Variants in GLRB observed in about 807,000 individuals in gnomAD.
The protein encoded by GLRB is glycine receptor beta, also known as glycine receptor subunit beta.
A neutral mutation model predicts 54.2 loss-of-function variants in GLRB; 33 were observed. The ratio of observed to expected loss-of-function variants is 0.61; its 90% CI spans 0.46 to 0.81. The LOEUF is 0.81. Ranked by LOEUF, GLRB falls within the 40% of genes least tolerant of loss-of-function variation. The probability of loss-of-function intolerance (pLI) is 0.00; values close to 1 mark genes in which losing one functional copy is unlikely to be tolerated. For missense variants in GLRB, 572 were observed against 584.6 expected (o/e 0.98, Z 0.22); for synonymous variants, 209 against 208.2 (o/e 1.00, Z -0.03).
intron 7 of GLRB, among the ~76,000 whole-genome samples, chr4:157,140,072 A>G (rs1736552335): frequency 6.6e-6 from 1 of 152,026 alleles, no homozygotes; most frequent in South Asian, 2.1e-4. Flanking sequence ...TTCAAAATAC[A>G]TTAGCAAATG....
intron 2 of GLRB, among the ~76,000 whole-genome samples, chr4:157,109,123 A>G (rs889382102): frequency 3.9e-5 from 6 of 152,074 alleles, no homozygotes; most frequent in Admixed American, 3.3e-4. Flanking sequence ...CATTTGTATG[A>G]CTAACTTTAT....
intron 8 of GLRB, among the ~76,000 whole-genome samples, chr4:157,144,977 TATGTATTATTAC>T (rs1213195373): frequency 3.9e-5 from 6 of 152,236 alleles, no homozygotes; most frequent in African/African-American, 1.4e-4. Context: ...GGATAAAAAC[TATGTATTATTAC>T]ATGTATTATA....
At chr4:157,167,737 T>A (rs1737766077) in intron 9 of GLRB, among the ~76,000 whole-genome samples, 1 of 152,188 alleles carries the variant, frequency 6.6e-6, no homozygotes, top group East Asian at 1.9e-4. Flanking sequence ...TGAGGCTGTA[T>A]AATTTATAAG....
At chr4:157,082,964 T>TTTTATATATATATATA (rs1180920266) in intron 2 of GLRB, among the ~76,000 whole-genome samples, 3 of 139,670 alleles carry the variant, frequency 2.1e-5, no homozygotes, top group African/African-American at 7.9e-5. Flanking sequence ...GAATAGTGTT[T>TTTTATATATATATATA]TATATATATA....
chr4:157,111,040 T>C (rs565827866), intron 2 of GLRB, among the ~76,000 whole-genome samples: 1 of 145,892 alleles, frequency 6.9e-6, no homozygotes, highest in Non-Finnish European at 1.5e-5. Flanking sequence ...TCGGGTAGCA[T>C]CTGTGATGAG....
At position 157,155,871 on chromosome 4, in the gene GLRB, T is replaced by A. The variant is rs1737208200; in HGVS notation, c.1197+2861T>A. 2.0e-5 allele frequency among the ~76,000 whole-genome samples: 3 copies of A among 152,308 alleles called. 1 individual carries two copies. In the Middle Eastern group the frequency reaches 0.01, roughly 518 times the overall value. ...GGAGTTTTCAGCTATTATTTCTTTG[T>A]GTACTTTTCCTGCCTTGCCCTCTCT... On this transcript the variant is annotated intron_variant, in intron 9 of 9. Transcript: ENST00000264428.
At chr4:157,099,573 T>C (rs1181281797) in intron 2 of GLRB, among the ~76,000 whole-genome samples, 1 of 152,002 alleles carries the variant, frequency 6.6e-6, no homozygotes, top group Admixed American at 6.6e-5. Context: ...TGACCTCAAG[T>C]GATCTGCCCG....
At chr4:157,121,386 G>A (rs911339994) in intron 3 of GLRB, among the ~76,000 whole-genome samples, 3 of 150,562 alleles carry the variant, frequency 2.0e-5, no homozygotes, top group African/African-American at 4.9e-5. Context: ...ATCTCCTCTG[G>A]AAAACTATAA....
intron 8 of GLRB, among the ~76,000 whole-genome samples, chr4:157,148,101 C>T (rs993819528): frequency 7.9e-5 from 12 of 152,062 alleles, no homozygotes; most frequent in Non-Finnish European, 8.8e-5. Flanking sequence ...TGGGCTACCT[C>T]CTCTTATTTG....
intron 9 of GLRB, among the ~76,000 whole-genome samples, chr4:157,160,254 A>G (rs1415372455): frequency 6.9e-6 from 1 of 145,554 alleles, no homozygotes; most frequent in Non-Finnish European, 1.5e-5. Context: ...CTAGTGGTCT[A>G]TCGATTTTTT....
chr4:157,141,046 A>G (rs1736591619), intron 7 of GLRB, among the ~76,000 whole-genome samples: 1 of 151,918 alleles, frequency 6.6e-6, no homozygotes, highest in Non-Finnish European at 1.5e-5. Flanking sequence ...TCAATGTGGT[A>G]AACAAGTAAA....
rs531353308 is a variant in GLRB at position 157,114,876 on chromosome 4, A to G, written c.123-5680A>G. 9.2e-5 allele frequency among the ~76,000 whole-genome samples: 14 copies of G among 151,876 alleles called. No individual in the cohort carries two copies. In the South Asian group the frequency reaches 2.9e-3, roughly 32 times the overall value. On this transcript the variant is annotated intron_variant, in intron 2 of 9. Coordinates refer to ENST00000264428, the MANE Select transcript of GLRB (RefSeq NM_000824.5). ...ACATGACTTATCACGGTTGAGGTTA[A>G]CTTGATCACCTGCTGAGGAGAGTGC...
At chr4:157,150,978 C>A (rs573489728) in intron 8 of GLRB, among the ~76,000 whole-genome samples, 1 of 152,018 alleles carries the variant, frequency 6.6e-6, no homozygotes, top group East Asian at 1.9e-4. Flanking sequence ...TCCTTAATTC[C>A]AAATTTCTGA....
intron 9 of GLRB, among the ~76,000 whole-genome samples, chr4:157,166,140 T>A (rs953327046): frequency 2.0e-5 from 3 of 151,274 alleles, no homozygotes; most frequent in South Asian, 2.1e-4. Context: ...ATCGTTTTTT[T>A]ATTCTTGACA....
intron 4 of GLRB, among the ~76,000 whole-genome samples, chr4:157,126,372 C>T (rs1260262245): frequency 6.6e-6 from 1 of 151,792 alleles, no homozygotes; most frequent in African/African-American, 2.4e-5. Context: ...TTATACGCTG[C>T]TTCAGCCTGT....
intron 2 of GLRB, among the ~76,000 whole-genome samples, chr4:157,098,452 T>G (rs947938513): frequency 6.6e-6 from 1 of 152,008 alleles, no homozygotes. Context: ...AATAAATGAG[T>G]CTGGAAGGAA....
chr4:157,142,060 C>T (rs751921027), intron 7 of GLRB, among the ~76,000 whole-genome samples: 1 of 152,096 alleles, frequency 6.6e-6, no homozygotes, highest in Non-Finnish European at 1.5e-5. Flanking sequence ...GATACTATTA[C>T]AAAGTCATGT....
intron 2 of GLRB, among the ~76,000 whole-genome samples, chr4:157,118,254 A>C (rs1425485407): frequency 6.6e-6 from 1 of 151,732 alleles, no homozygotes; most frequent in Non-Finnish European, 1.5e-5. Context: ...CAATAACAGC[A>C]GTCCTGAATT....
chr4:157,159,230 G>C (rs964289898), intron 9 of GLRB, among the ~76,000 whole-genome samples: 5 of 152,088 alleles, frequency 3.3e-5, no homozygotes, highest in Non-Finnish European at 7.4e-5. Flanking sequence ...GGAGATTTTG[G>C]GTTGAGACAA....
Sources: gnomAD v4.1 joint callset for allele counts (sites outside exome capture counted in the v4.1 genomes callset) on GRCh38, gnomAD v4.1.1 for gene constraint, MANE v1.5 for transcripts, NCBI Gene and HGNC (gene_info 2026-07-23, HGNC 2026-07-21) for gene names.